LUZP2: variants seen among roughly 807,000 people sequenced by gnomAD.
The protein encoded by LUZP2 is leucine zipper protein 2.
A neutral mutation model predicts 51.6 loss-of-function variants in LUZP2; 52 were observed. The observed-to-expected ratio is 1.01, with a 90% CI of 0.81 to 1.27. The LOEUF is 1.27. Ranked by LOEUF, LUZP2 falls within the 50% of genes most tolerant of loss-of-function variation. LUZP2 has a pLI of 0.00. For synonymous variants in LUZP2, 154 were observed against 137.3 expected (o/e 1.12, Z -0.85); for missense variants, 436 against 395.4 (o/e 1.10, Z -0.87).
intron 9 of LUZP2, among the ~76,000 whole-genome samples, chr11:25,027,857 G>A: frequency 8.8e-6 from 1 of 114,198 alleles, no homozygotes; most frequent in African/African-American, 3.1e-5. Context: ...GCGAAAGAAC[G>A]AAATTCCGTC....
intron 1 of LUZP2, among the ~76,000 whole-genome samples, chr11:24,627,335 A>G (rs1256957962): frequency 6.6e-6 from 1 of 152,172 alleles, no homozygotes; most frequent in Non-Finnish European, 1.5e-5. Flanking sequence ...AAGGTTTTTC[A>G]GCTATAAGAA....
In LUZP2 at chr11:24,955,937, G is replaced by A. The variant is rs375938165; in HGVS notation, c.523-20654G>A. On this transcript the variant is annotated intron_variant, in intron 7 of 11. Coordinates refer to ENST00000336930, the MANE Select transcript of LUZP2 (RefSeq NM_001009909.4). ...ATGAGAAACAAATATGTTGGATCATGCAGAATGACTTTGTGAAGGGGAAAG... is the reference window on the plus strand; with the variant it reads ...ATGAGAAACAAATATGTTGGATCATACAGAATGACTTTGTGAAGGGGAAAG... Among the ~76,000 whole-genome samples, 131 of 152,112 alleles carry A rather than the reference G, an allele frequency of 8.6e-4. 3 individuals carry two copies. The South Asian group carries it at 0.026, about 30-fold the overall frequency.
chr11:24,933,973 G>A (rs527856442), intron 7 of LUZP2, among the ~76,000 whole-genome samples: 20 of 152,160 alleles, frequency 1.3e-4, no homozygotes, highest in Non-Finnish European at 1.8e-4. Context: ...GGGTTGGGGG[G>A]AGGATATTAC....
At chr11:25,062,077 A>C (rs1858855593) in intron 10 of LUZP2, among the ~76,000 whole-genome samples, 1 of 151,546 alleles carries the variant, frequency 6.6e-6, no homozygotes, top group African/African-American at 2.4e-5. Context: ...AAAAAGAAGA[A>C]AGGAAAAACA....
chr11:24,796,779 G>GT (rs560118466), intron 5 of LUZP2, among the ~76,000 whole-genome samples: 67 of 152,002 alleles, frequency 4.4e-4, no homozygotes, highest in African/African-American at 1.1e-3. Context: ...TACTACACAA[G>GT]TTTTTTTTGG....
At chr11:24,713,962 C>G (rs1379985299) in intron 1 of LUZP2, among the ~76,000 whole-genome samples, 1 of 145,008 alleles carries the variant, frequency 6.9e-6, no homozygotes, top group Non-Finnish European at 1.5e-5. Flanking sequence ...TCCCAAAGTG[C>G]TGGGATTACA....
At chr11:24,941,338 T>A (rs1854739348) in intron 7 of LUZP2, among the ~76,000 whole-genome samples, 1 of 152,204 alleles carries the variant, frequency 6.6e-6, no homozygotes, top group Admixed American at 6.5e-5. Flanking sequence ...TTTATTTATG[T>A]TTCACCTCTT....
chr11:24,720,799 C>T (rs1049724588), intron 1 of LUZP2, among the ~76,000 whole-genome samples: 3 of 152,250 alleles, frequency 2.0e-5, no homozygotes, highest in Non-Finnish European at 4.4e-5. Flanking sequence ...CCCGGGTTCA[C>T]GCCATTGTCC....
In LUZP2 at chr11:24,657,545, C is replaced by G. The variant is rs1447028830; in HGVS notation, c.63-71624C>G. ...GACAGGGATGCCCTCTCTCACCACT[C>G]CTATTCAACTAATGTTGGAACTTCT... is the stretch of plus-strand genomic sequence containing the variant. On this transcript the variant is annotated intron_variant, in intron 1 of 11. Transcript: ENST00000336930. Among the ~76,000 whole-genome samples, 3 of 152,258 alleles carry G rather than the reference C, an allele frequency of 2.0e-5. No homozygotes were observed. In the East Asian group the frequency reaches 5.8e-4, roughly 29 times the overall value.
chr11:24,597,185 T>A (rs1853471333), intron 1 of LUZP2, among the ~76,000 whole-genome samples: 1 of 152,182 alleles, frequency 6.6e-6, no homozygotes, highest in Non-Finnish European at 1.5e-5. Flanking sequence ...ACTATATGTA[T>A]AAGCATGTGT....
rs140384714 is a variant in LUZP2 at position 25,027,730 on chromosome 11, C to T, written c.766-22308C>T. Among the ~76,000 whole-genome samples the T allele has an allele frequency of 4.1e-3, 629 of 151,886 alleles. 4 individuals carry two copies. Among genetic ancestry groups the T allele is most frequent in the African/African-American group, 0.014 (584 of 41,440 alleles). On this transcript the variant is annotated intron_variant, in intron 9 of 11. Coordinates refer to ENST00000336930, the MANE Select transcript of LUZP2 (RefSeq NM_001009909.4). The stretch of plus-strand genomic sequence containing the variant: ...ACTAAAAATAAAAAAATTAGCCGGG[C>T]GTGGTGGTGGGTGCCTGTTAATCCC...
intron 1 of LUZP2, among the ~76,000 whole-genome samples, chr11:24,687,907 G>A (rs1375565377): frequency 6.6e-6 from 1 of 152,054 alleles, no homozygotes; most frequent in Non-Finnish European, 1.5e-5. Context: ...ACTTCTCTAA[G>A]TTCTCTTCCT....
rs185419256 is a variant in LUZP2, at chr11:24,539,533, A to T, written c.62+42228A>T. Among the ~76,000 whole-genome samples, 365 of 152,132 alleles carry T rather than the reference A, an allele frequency of 2.4e-3. 1 individual carries two copies. The highest frequency in any genetic ancestry group is 8.4e-3 in the African/African-American group (351 of 41,556). On this transcript the variant is annotated intron_variant, in intron 1 of 11. Coordinates refer to ENST00000336930, the MANE Select transcript of LUZP2 (RefSeq NM_001009909.4). ...CAAATCAAGCATACACTATGCTTTT[A>T]TAAATACTCTCCTCCTCCCCTTACC...
intron 5 of LUZP2, among the ~76,000 whole-genome samples, chr11:24,772,598 G>C (rs1352310238): frequency 1.3e-5 from 2 of 152,148 alleles, no homozygotes; most frequent in African/African-American, 4.8e-5. Flanking sequence ...TATCCAGCAT[G>C]TGAAGCTCCC....
chr11:24,963,523 T>C (rs1855484549), intron 7 of LUZP2, among the ~76,000 whole-genome samples: 1 of 152,188 alleles, frequency 6.6e-6, no homozygotes, highest in Non-Finnish European at 1.5e-5. Context: ...CTCAGACTGC[T>C]GTGCTAGCAA....
intron 1 of LUZP2, among the ~76,000 whole-genome samples, chr11:24,560,015 C>T (rs1851984181): frequency 6.6e-6 from 1 of 151,996 alleles, no homozygotes; most frequent in Non-Finnish European, 1.5e-5. Context: ...AAGAGAAATA[C>T]CTAATGTAGA....
chr11:24,576,216 G>A (rs1973574), intron 1 of LUZP2, among the ~76,000 whole-genome samples: 59,859 of 151,458 alleles, frequency 0.4, 12,066 homozygotes, highest in Middle Eastern at 0.52. Context: ...TTCGAGAGCA[G>A]CCTGGCCAAC....
intron 1 of LUZP2, among the ~76,000 whole-genome samples, chr11:24,588,643 C>CAAAAAAAAAA (rs1554960082): frequency 6.6e-6 from 1 of 151,684 alleles, no homozygotes. Flanking sequence ...AATTTTTTCC[C>CAAAAAAAAAA]AAAAAGATTA....
rs549482812 is a variant in LUZP2 at position 24,997,340 on chromosome 11, G to A, written c.765+14047G>A. On this transcript the variant is annotated intron_variant, in intron 9 of 11. Coordinates refer to ENST00000336930, the MANE Select transcript of LUZP2 (RefSeq NM_001009909.4). ...CTGGTGTGAGATGGTATCCCATTGC[G>A]GTTTTGATTTGCATTTCTCTGATGG... Among the ~76,000 whole-genome samples, 37 of 152,190 alleles carry A rather than the reference G, an allele frequency of 2.4e-4. No homozygotes were observed. In the South Asian group the frequency reaches 6.0e-3, roughly 25 times the overall value.
Sources: allele counts gnomAD v4.1 joint callset (sites outside exome capture counted in the v4.1 genomes callset), GRCh38; gene constraint gnomAD v4.1.1; transcripts MANE v1.5; gene names NCBI Gene and HGNC (gene_info 2026-07-23, HGNC 2026-07-21).